Variants in IKZF2 observed in about 807,000 individuals in gnomAD.
IKZF2 encodes zinc finger protein Helios.
A neutral mutation model predicts 49.2 loss-of-function variants in IKZF2; 15 were observed. The observed-to-expected ratio is 0.30, with a 90% CI of 0.20 to 0.47. The LOEUF (loss-of-function observed/expected upper bound fraction) is 0.47. Among genes scored for constraint, IKZF2 ranks in the 20% least tolerant of loss-of-function variants. IKZF2 has a pLI of 1.00. For synonymous variants in IKZF2, 227 were observed against 221.4 expected (o/e 1.03, Z -0.23); for missense variants, 567 against 664.6 (o/e 0.85, Z 1.61).
intron 4 of IKZF2, among the ~76,000 whole-genome samples, chr2:213,134,265 C>T (rs1444717233): frequency 6.6e-6 from 1 of 152,140 alleles, no homozygotes; most frequent in Non-Finnish European, 1.5e-5. Flanking sequence ...ATTGCCATCT[C>T]CCAAGAGGGG....
intron 4 of IKZF2, among the ~76,000 whole-genome samples, chr2:213,144,608 C>G (rs1017468106): frequency 6.6e-6 from 1 of 151,920 alleles, no homozygotes; most frequent in East Asian, 1.9e-4. Context: ...TCTTAAGTCC[C>G]AGATTCTATT....
intron 4 of IKZF2, among the ~76,000 whole-genome samples, chr2:213,130,458 A>T (rs1235410164): frequency 1.3e-5 from 2 of 152,210 alleles, no homozygotes; most frequent in Non-Finnish European, 2.9e-5. Flanking sequence ...TTCACACTTG[A>T]AAAGGAAGCA....
chr2:213,100,300 G>T (rs761710993), intron 4 of IKZF2, among the ~76,000 whole-genome samples: 1 of 151,862 alleles, frequency 6.6e-6, no homozygotes, highest in Non-Finnish European at 1.5e-5. Flanking sequence ...AGGCAGACTG[G>T]TAACAAATGC....
intron 4 of IKZF2, among the ~76,000 whole-genome samples, chr2:213,128,193 T>G (rs894524760): frequency 6.6e-6 from 1 of 152,206 alleles, no homozygotes; most frequent in Non-Finnish European, 1.5e-5. Flanking sequence ...TATTCATTAA[T>G]TTTCAAACCC....
At chr2:213,046,854 T>C (rs997159206) in intron 6 of IKZF2, among the ~76,000 whole-genome samples, 4 of 152,084 alleles carry the variant, frequency 2.6e-5, no homozygotes, top group Non-Finnish European at 4.4e-5. Flanking sequence ...TACCTGGTAC[T>C]TTCTCAGTGG....
At chr2:213,106,004 G>A (rs2059511648) in intron 4 of IKZF2, among the ~76,000 whole-genome samples, 1 of 152,064 alleles carries the variant, frequency 6.6e-6, no homozygotes, top group Non-Finnish European at 1.5e-5. Context: ...GTTTGAAAAC[G>A]TTTTCTTCAA....
chr2:213,072,249 T>G (rs1702785725), intron 4 of IKZF2, among the ~76,000 whole-genome samples: 1 of 151,322 alleles, frequency 6.6e-6, no homozygotes, highest in South Asian at 2.1e-4. Flanking sequence ...GAAATTTCTG[T>G]CACTAATTGG....
chr2:213,110,034 T>C (rs181159173), intron 4 of IKZF2, among the ~76,000 whole-genome samples: 51 of 152,116 alleles, frequency 3.4e-4, no homozygotes, highest in South Asian at 1.2e-3. Flanking sequence ...TACATCTAAA[T>C]TGGGTGTTGG....
chr2:213,147,162 T>C (rs753233775), intron 4 of IKZF2, among the ~76,000 whole-genome samples: 5 of 152,190 alleles, frequency 3.3e-5, no homozygotes, highest in African/African-American at 4.8e-5. Flanking sequence ...TTATCAGTTC[T>C]TCTCTGGACA....
At chr2:213,146,802 C>T (rs941384724) in intron 4 of IKZF2, among the ~76,000 whole-genome samples, 8 of 145,002 alleles carry the variant, frequency 5.5e-5, no homozygotes, top group Non-Finnish European at 1.2e-4. Context: ...TCACATATTG[C>T]CAAAACAGAA....
chr2:213,021,930 C>CTTTTTATA (rs1553546202), intron 7 of IKZF2, 63 bp downstream of exon 7: 1 of 1,522,738 alleles, frequency 6.6e-7, no homozygotes, highest in African/African-American at 1.4e-5. Flanking sequence ...AAGATTTTAT[C>CTTTTTATA]TTCATGTTGA....
At chr2:213,099,986 T>C (rs1706465891) in intron 4 of IKZF2, among the ~76,000 whole-genome samples, 1 of 152,136 alleles carries the variant, frequency 6.6e-6, no homozygotes. Flanking sequence ...AAAAATCATA[T>C]GGTTATCCAC....
At chr2:213,124,252 G>GCGCGCGCGCGCGCGCA (rs1270409984) in intron 4 of IKZF2, among the ~76,000 whole-genome samples, 7 of 136,234 alleles carry the variant, frequency 5.1e-5, no homozygotes, top group Admixed American at 7.3e-5. Context: ...GCGCGCGCGC[G>GCGCGCGCGCGCGCGCA]CACACACACA....
chr2:213,138,729 A>G (rs1311809064), intron 4 of IKZF2, among the ~76,000 whole-genome samples: 1 of 151,996 alleles, frequency 6.6e-6, no homozygotes, highest in African/African-American at 2.4e-5. Flanking sequence ...CTTAATTCAC[A>G]CTCAGTAATT....
chr2:213,096,484 T>C (rs957985714), intron 4 of IKZF2, among the ~76,000 whole-genome samples: 6 of 152,066 alleles, frequency 3.9e-5, no homozygotes, highest in Middle Eastern at 3.4e-3. Flanking sequence ...GATGTATATA[T>C]AATATACTAT....
At chr2:213,130,319 G>A (rs975823158) in intron 4 of IKZF2, among the ~76,000 whole-genome samples, 1 of 152,140 alleles carries the variant, frequency 6.6e-6, no homozygotes, top group Non-Finnish European at 1.5e-5. Context: ...CAAAGCATGA[G>A]AGCATTTTAG....
intron 4 of IKZF2, among the ~76,000 whole-genome samples, chr2:213,124,800 C>G (rs2060206059): frequency 6.6e-6 from 1 of 152,204 alleles, no homozygotes; most frequent in Non-Finnish European, 1.5e-5. Context: ...AATTGACAAA[C>G]TCAGAGTTCT....
intron 4 of IKZF2, among the ~76,000 whole-genome samples, chr2:213,083,168 T>C (rs984306175): frequency 3.3e-5 from 5 of 152,160 alleles, no homozygotes; most frequent in African/African-American, 1.2e-4. Flanking sequence ...CACTCTGCTT[T>C]TGCAATGTTT....
rs1345793107 is a variant in IKZF2, at chr2:213,057,460, T to TTA, written c.140-363_140-362dup. ...AGATAGGATTATGGAAGAAACAAGA[T>TTA]TAAATATTGCTTAACACACTGAACT... On this transcript the variant is annotated intron_variant, in intron 4 of 8. Coordinates refer to ENST00000434687, the MANE Select transcript of IKZF2 (RefSeq NM_001387220.1). Among the ~76,000 whole-genome samples the TTA allele has an allele frequency of 2.6e-5, 4 of 152,160 alleles. No homozygotes were observed. In the East Asian group the frequency reaches 7.7e-4, roughly 29 times the overall value.
Sources: gnomAD v4.1 joint callset for allele counts (sites outside exome capture counted in the v4.1 genomes callset) on GRCh38, gnomAD v4.1.1 for gene constraint, MANE v1.5 for transcripts, NCBI Gene and HGNC (gene_info 2026-07-23, HGNC 2026-07-21) for gene names.